The following DNMT3B variants were observed in gnomAD, a reference collection of about 807,000 sequenced individuals.
DNMT3B encodes DNA methyltransferase 3 beta, also known as DNA (cytosine-5)-methyltransferase 3B.
Under a neutral mutation model 120.2 loss-of-function variants are expected in DNMT3B, and 37 were observed. The ratio of observed to expected loss-of-function variants is 0.31; its 90% CI spans 0.24 to 0.40. The LOEUF is 0.40. Ranked by LOEUF, DNMT3B falls within the 10% of genes least tolerant of loss-of-function variation. The pLI is 1.00. For missense variants in DNMT3B, 878 were observed against 1,137.3 expected, an observed-to-expected ratio of 0.77 and a Z score of 3.28; for synonymous variants, 412 against 442.8, an observed-to-expected ratio of 0.93 and a Z score of 0.87.
At chr20:32,793,123 A>G (rs1237646574) in intron 9 of DNMT3B, among the ~76,000 whole-genome samples, 1 of 109,532 alleles carries the variant, frequency 9.1e-6, no homozygotes, top group African/African-American at 3.5e-5. Flanking sequence ...CCACCTGCTA[A>G]CATTTTGACC....
chr20:32,806,084 C>A, intron 21 of DNMT3B, 125 bp from the exon 22 acceptor site: 1 of 899,918 alleles, frequency 1.1e-6, no homozygotes, highest in Non-Finnish European at 1.9e-6. Context: ...ACTTTTCTCT[C>A]CCAGCCCTGC....
At position 32,781,356 on chromosome 20, in the gene DNMT3B, G is replaced by T; in HGVS notation, c.146G>T (p.Arg49Leu). 6.2e-7 allele frequency: 1 copy of T among 1,614,114 alleles called. No individual in the cohort carries two copies. Among genetic ancestry groups the T allele is most frequent in the Non-Finnish European group, 8.5e-7 (1 of 1,180,030 alleles). ...CTCCTGGCTGTTTCCTCTACAGGCC[G>T]AAGATCAAGCTCGCGACTCTCCAAG... ...EAIRTPEIRG[R>L]RSSSRLSKRE... is the part of the protein sequence containing the mutation. The change falls in exon 3 of 23, where the codon CGA (arginine) becomes CTA (leucine). Residue 49 changes from arginine (R) to leucine (L), a missense_variant. This residue lies in a region of DNMT3B where 287 missense variants were observed against 306.2 expected (regional missense o/e 0.94). Transcript: ENST00000328111.
intron 15 of DNMT3B, 40 bp downstream of exon 15, chr20:32,798,683 G>C (rs1316339690): frequency 1.2e-6 from 2 of 1,612,836 alleles, no homozygotes; most frequent in East Asian, 2.2e-5. Context: ...ACAGATCCCA[G>C]GGGCACAGGG....
intron 20 of DNMT3B, among the ~76,000 whole-genome samples, chr20:32,803,070 C>T (rs1325038516): frequency 6.6e-6 from 1 of 152,146 alleles, no homozygotes; most frequent in Non-Finnish European, 1.5e-5. Context: ...AACCAGGTGG[C>T]AGAGCTGCTA....
chr20:32,788,759 A>G, intron 6 of DNMT3B, 95 bp from the exon 7 acceptor site: 2 of 1,521,818 alleles, frequency 1.3e-6, no homozygotes, highest in Non-Finnish European at 9.1e-7. Flanking sequence ...TTTTATGGCA[A>G]GCTTTTTGTT....
intron 3 of DNMT3B, among the ~76,000 whole-genome samples, chr20:32,781,773 C>G (rs764366448): frequency 6.6e-6 from 1 of 152,240 alleles, no homozygotes; most frequent in Non-Finnish European, 1.5e-5. Context: ...GAATCTTGCA[C>G]TGTCCTGCTC....
At chr20:32,791,333 G>A (rs1788129940) in intron 7 of DNMT3B, among the ~76,000 whole-genome samples, 1 of 152,184 alleles carries the variant, frequency 6.6e-6, no homozygotes, top group South Asian at 2.1e-4. Context: ...TCGCCTAATT[G>A]CCTTCATTCA....
chr20:32,808,250 A>G lies in DNMT3B; in HGVS notation c.*347A>G. ...GAGAAACAATGGCTAAGATACCAAA[A>G]CCACAGTGCCGACAGCTCTCCAATA... On this transcript the variant is annotated 3_prime_UTR_variant, in exon 23 of 23. Transcript: ENST00000328111. 2 of 406,258 alleles carry G rather than the reference A, an allele frequency of 4.9e-6. No individual in the cohort carries two copies. The highest frequency in any genetic ancestry group is 5.4e-5 in the South Asian group (2 of 36,830). The allele number at this position is 406,258 out of a possible 1,614,324, so 25.2% of individuals were successfully genotyped here. A position where few individuals can be genotyped will look rare whatever the true frequency, so the allele number is the denominator to read the frequency against.
At chr20:32,781,533 T>C in intron 3 of DNMT3B, 119 bp downstream of exon 3, 2 of 1,059,254 alleles carry the variant, frequency 1.9e-6, no homozygotes, top group Non-Finnish European at 2.9e-6. Flanking sequence ...GTTGCCGAGC[T>C]AGATGCTTTC....
chr20:32,780,396 G>C lies in DNMT3B; in HGVS notation c.73G>C (p.Gly25Arg). The C allele has an allele frequency of 6.2e-7, 1 of 1,613,942 alleles. No homozygotes were observed. The highest frequency in any genetic ancestry group is 8.5e-7 in the Non-Finnish European group (1 of 1,180,018). The change falls in exon 2 of 23, where the codon GGG (glycine) becomes CGG (arginine). Residue 25 changes from glycine to arginine, a missense_variant. Coordinates refer to ENST00000328111, the MANE Select transcript of DNMT3B (RefSeq NM_006892.4). ...GGREDSILVN[G>R]ACSDQSSDSP... is the part of the protein sequence containing the mutation. ...GAGGGAAGACTCGATCCTCGTCAACGGGGCCTGCAGCGACCAGTCCTCCGA... is the reference window on the plus strand; with the variant it reads ...GAGGGAAGACTCGATCCTCGTCAACCGGGCCTGCAGCGACCAGTCCTCCGA...
chr20:32,776,579 A>T (rs544940191), intron 1 of DNMT3B, among the ~76,000 whole-genome samples: 1 of 152,250 alleles, frequency 6.6e-6, no homozygotes, highest in South Asian at 2.1e-4. Context: ...TTCCCTATAT[A>T]TTGATCAAGG....
chr20:32,783,376 C>A (rs948155872), intron 3 of DNMT3B, among the ~76,000 whole-genome samples: 2 of 152,130 alleles, frequency 1.3e-5, no homozygotes, highest in African/African-American at 2.4e-5. Flanking sequence ...CATTATCAAG[C>A]TTTCTACTTC....
At chr20:32,785,855 C>T (rs905093688) in intron 4 of DNMT3B, among the ~76,000 whole-genome samples, 3 of 145,440 alleles carry the variant, frequency 2.1e-5, no homozygotes, top group African/African-American at 7.8e-5. Flanking sequence ...TTAGAGTGAA[C>T]ACGAATTTTT....
At chr20:32,786,846 A>G (rs942346618) in intron 5 of DNMT3B, among the ~76,000 whole-genome samples, 1 of 152,222 alleles carries the variant, frequency 6.6e-6, no homozygotes, top group African/African-American at 2.4e-5. Context: ...TGGGAATGGA[A>G]GCTTTCCCTG....
chr20:32,772,642 G>A (rs1336173836), intron 1 of DNMT3B, among the ~76,000 whole-genome samples: 1 of 152,170 alleles, frequency 6.6e-6, no homozygotes, highest in Non-Finnish European at 1.5e-5. Flanking sequence ...AGTGGATATA[G>A]GGGAAGGGGC....
chr20:32,805,433 A>G, intron 21 of DNMT3B, 26 bp downstream of exon 21: 1 of 1,613,812 alleles, frequency 6.2e-7, no homozygotes, highest in Non-Finnish European at 8.5e-7. Context: ...GCCCTCTGGA[A>G]AAATGCACTT....
chr20:32,801,186 A>G lies in DNMT3B; in HGVS notation c.1997-92A>G. On this transcript the variant is annotated intron_variant, in intron 18 of 22. Coordinates refer to ENST00000328111, the MANE Select transcript of DNMT3B (RefSeq NM_006892.4). ...GTAGGCATCACCCTGAACTGTCAGGAGGCCATTGGGAACCTGCTGGTCTCA... is the reference window on the plus strand; with the variant it reads ...GTAGGCATCACCCTGAACTGTCAGGGGGCCATTGGGAACCTGCTGGTCTCA... 3.8e-6 allele frequency: 6 copies of G among 1,585,666 alleles called. No individual in the cohort carries two copies. The Admixed American group carries it at 5.1e-5, about 14-fold the overall frequency.
chr20:32,785,838 GTTTATT>G (rs1436239766), intron 4 of DNMT3B, among the ~76,000 whole-genome samples: 1 of 151,916 alleles, frequency 6.6e-6, no homozygotes, highest in East Asian at 1.9e-4. Flanking sequence ...TGACATAAAA[GTTTATT>G]TTAGAGTGAA....
In DNMT3B at chr20:32,792,510, T is replaced by C. The variant is rs986439545; in HGVS notation, c.922-116T>C. The C allele has an allele frequency of 3.8e-6, 6 of 1,568,728 alleles. No homozygotes were observed. The African/African-American group carries it at 8.1e-5, about 21-fold the overall frequency. On this transcript the variant is annotated intron_variant, in intron 8 of 22. Transcript: ENST00000328111. Reference sequence around the variant, plus strand: ...CCACAGCCCAGGACAGCTGTCTGGCTATGAAAGGGCCCAGTGTGAAGGGGA... The same window carrying C: ...CCACAGCCCAGGACAGCTGTCTGGCCATGAAAGGGCCCAGTGTGAAGGGGA...
Sources: gnomAD v4.1 joint callset for allele counts (sites outside exome capture counted in the v4.1 genomes callset) on GRCh38, gnomAD v4.1.1 for gene constraint, gnomAD v4.1.1 regional missense constraint, MANE v1.5 for transcripts, NCBI Gene and HGNC (gene_info 2026-07-23, HGNC 2026-07-21) for gene names.